Variants in MMP16 observed in about 807,000 individuals in gnomAD.
The protein encoded by MMP16 is matrix metallopeptidase 16, also known as matrix metalloproteinase-16.
A neutral mutation model predicts 67.8 loss-of-function variants in MMP16; 12 were observed. The observed-to-expected ratio is 0.18, with a 90% CI of 0.11 to 0.29. The LOEUF is 0.29. Among genes scored for constraint, MMP16 ranks in the 10% least tolerant of loss-of-function variants. The pLI, the probability that MMP16 is intolerant of heterozygous loss-of-function variation, is 1.00. For synonymous variants in MMP16, 249 were observed against 255.9 expected (o/e 0.97, Z 0.26); for missense variants, 475 against 765.7 (o/e 0.62, Z 4.48).
chr8:88,068,747 G>A lies in MMP16; in HGVS notation c.1222+5858C>T, dbSNP rs149821645. On this transcript the variant is annotated intron_variant, in intron 7 of 9. Transcript: ENST00000286614. ...GACAGAGTCTTGCTCTATCACCCAG[G>A]CTGGAGTGCAGGGACATGATCTTGG... Among the ~76,000 whole-genome samples the A allele has an allele frequency of 7.6e-3, 1,157 of 152,054 alleles. 7 individuals are homozygous for A. Among genetic ancestry groups the A allele is most frequent in the African/African-American group, 0.026 (1,089 of 41,476 alleles).
intron 3 of MMP16, among the ~76,000 whole-genome samples, chr8:88,171,428 A>C (rs954743841): frequency 1.3e-5 from 2 of 152,200 alleles, no homozygotes; most frequent in African/African-American, 2.4e-5. Context: ...CCAGTTTCAC[A>C]TATGAAGGGT....
intron 3 of MMP16, among the ~76,000 whole-genome samples, chr8:88,171,483 G>T (rs1181984661): frequency 6.6e-6 from 1 of 152,214 alleles, no homozygotes; most frequent in Non-Finnish European, 1.5e-5. Flanking sequence ...GAGCTGAAAG[G>T]AAGGTGTATT....
chr8:88,266,891 C>T (rs914853903), intron 1 of MMP16, among the ~76,000 whole-genome samples: 1 of 152,160 alleles, frequency 6.6e-6, no homozygotes, highest in African/African-American at 2.4e-5. Flanking sequence ...TCCTGACAAC[C>T]TTTGCTTTAT....
chr8:88,248,057 T>C (rs1002484422), intron 1 of MMP16, among the ~76,000 whole-genome samples: 2 of 152,038 alleles, frequency 1.3e-5, no homozygotes, highest in Non-Finnish European at 2.9e-5. Context: ...TGTTGAAATA[T>C]CCCCTATATA....
chr8:88,127,117 T>C (rs1807947437), intron 4 of MMP16, among the ~76,000 whole-genome samples: 1 of 151,876 alleles, frequency 6.6e-6, no homozygotes, highest in Non-Finnish European at 1.5e-5. Context: ...CCAAAACTAG[T>C]GCACCAACTG....
chr8:88,064,314 T>A (rs1808436744), intron 7 of MMP16, among the ~76,000 whole-genome samples: 3 of 152,178 alleles, frequency 2.0e-5, no homozygotes, highest in Non-Finnish European at 1.5e-5. Context: ...TTTATTGGGC[T>A]GATTACTGTT....
chr8:88,044,026 A>G (rs553029654), intron 9 of MMP16, among the ~76,000 whole-genome samples: 3 of 152,366 alleles, frequency 2.0e-5, no homozygotes, highest in South Asian at 4.1e-4. Flanking sequence ...CTATAGAGCT[A>G]CTAAGCATTA....
intron 7 of MMP16, among the ~76,000 whole-genome samples, chr8:88,061,246 C>T (rs138193813): frequency 1.9e-4 from 29 of 151,904 alleles, no homozygotes; most frequent in Admixed American, 2.0e-4. Context: ...TGTTTCACAG[C>T]ATGCTCTATA....
intron 1 of MMP16, among the ~76,000 whole-genome samples, chr8:88,225,406 G>GACTT (rs1809753622): frequency 6.6e-6 from 1 of 151,792 alleles, no homozygotes; most frequent in Non-Finnish European, 1.5e-5. Flanking sequence ...CATTTAATTG[G>GACTT]ACTTGAGGGT....
At chr8:88,122,963 C>T (rs1362999104) in intron 4 of MMP16, among the ~76,000 whole-genome samples, 1 of 150,170 alleles carries the variant, frequency 6.7e-6, no homozygotes, top group Non-Finnish European at 1.5e-5. Context: ...AGTGAATTTT[C>T]CAACCCCTTC....
chr8:88,163,232 G>A (rs1207072839), intron 4 of MMP16, among the ~76,000 whole-genome samples: 2 of 152,076 alleles, frequency 1.3e-5, no homozygotes, highest in Admixed American at 1.3e-4. Flanking sequence ...GTTGACTCAA[G>A]TATCACACCA....
chr8:88,290,606 G>A (rs1286762317), intron 1 of MMP16, among the ~76,000 whole-genome samples: 2 of 152,142 alleles, frequency 1.3e-5, no homozygotes, highest in African/African-American at 4.8e-5. Context: ...GAGACTGGGT[G>A]TGACTCTGTT....
chr8:88,274,006 C>T (rs530407345), intron 1 of MMP16, among the ~76,000 whole-genome samples: 3 of 152,112 alleles, frequency 2.0e-5, no homozygotes, highest in South Asian at 4.1e-4. Context: ...ACATTGCTAA[C>T]GTTTATTGAC....
At chr8:88,239,520 T>G (rs1234025837) in intron 1 of MMP16, among the ~76,000 whole-genome samples, 3 of 73,364 alleles carry the variant, frequency 4.1e-5, no homozygotes, top group African/African-American at 5.6e-5. Context: ...AATAGCTGAG[T>G]GTTATAAAAT....
At chr8:88,171,160 A>G (rs1214452800) in intron 3 of MMP16, among the ~76,000 whole-genome samples, 2 of 152,198 alleles carry the variant, frequency 1.3e-5, no homozygotes, top group Non-Finnish European at 2.9e-5. Flanking sequence ...GTGGAGTACT[A>G]TTTGGATTTG....
At chr8:88,070,362 T>C (rs577786572) in intron 7 of MMP16, among the ~76,000 whole-genome samples, 1 of 152,260 alleles carries the variant, frequency 6.6e-6, no homozygotes, top group East Asian at 1.9e-4. Flanking sequence ...TCCCCACTAC[T>C]GAGGTAAGGC....
At chr8:88,239,525 T>C (rs961100994) in intron 1 of MMP16, among the ~76,000 whole-genome samples, 3 of 21,240 alleles carry the variant, frequency 1.4e-4, no homozygotes, top group Admixed American at 8.9e-4. Flanking sequence ...CTGAGTGTTA[T>C]AAAATTTTTT....
intron 7 of MMP16, among the ~76,000 whole-genome samples, chr8:88,061,489 T>C (rs1012270164): frequency 4.6e-5 from 7 of 152,018 alleles, no homozygotes; most frequent in Non-Finnish European, 1.0e-4. Flanking sequence ...AGAAGCATTC[T>C]AGTATGCTTT....
At chr8:88,188,119 A>G (rs1809102711) in intron 2 of MMP16, among the ~76,000 whole-genome samples, 1 of 152,202 alleles carries the variant, frequency 6.6e-6, no homozygotes, top group Non-Finnish European at 1.5e-5. Context: ...TATCTTGCAC[A>G]ACTGGAATAG....
Sources: gnomAD v4.1 joint callset for allele counts (sites outside exome capture counted in the v4.1 genomes callset) on GRCh38, gnomAD v4.1.1 for gene constraint, MANE v1.5 for transcripts, NCBI Gene and HGNC (gene_info 2026-07-23, HGNC 2026-07-21) for gene names.